Variants in TNKS observed in about 807,000 individuals in gnomAD.
The protein encoded by TNKS is poly [ADP-ribose] polymerase tankyrase-1.
A neutral mutation model predicts 135.8 loss-of-function variants in TNKS; 72 were observed. The ratio of observed to expected loss-of-function variants is 0.53; its 90% CI spans 0.44 to 0.64. TNKS has a LOEUF of 0.64. Ranked by LOEUF, TNKS falls within the 30% of genes least tolerant of loss-of-function variation. The pLI, the probability that TNKS is intolerant of heterozygous loss-of-function variation, is 0.00. For missense variants in TNKS, 1,769 were observed against 1,674.0 expected, an observed-to-expected ratio of 1.06 and a Z score of -0.99; for synonymous variants, 849 against 649.3, an observed-to-expected ratio of 1.31 and a Z score of -4.68.
intron 17 of TNKS, among the ~76,000 whole-genome samples, chr8:9,745,643 G>T (rs940378232): frequency 6.6e-6 from 1 of 152,112 alleles, no homozygotes; most frequent in Non-Finnish European, 1.5e-5. Context: ...GACCTCAAAT[G>T]ATCTGCTGGC....
At chr8:9,771,848 G>A (rs1445230039) in intron 26 of TNKS, among the ~76,000 whole-genome samples, 1 of 75,938 alleles carries the variant, frequency 1.3e-5, no homozygotes. Flanking sequence ...AGAGGGGAGG[G>A]AGGGAGAGAG....
chr8:9,578,028 T>C (rs1798021648), intron 1 of TNKS, among the ~76,000 whole-genome samples: 2 of 152,154 alleles, frequency 1.3e-5, no homozygotes, highest in African/African-American at 4.8e-5. Flanking sequence ...TGTTCAATCT[T>C]AAAGTTCCAA....
chr8:9,601,397 A>T (rs1021987251), intron 2 of TNKS, among the ~76,000 whole-genome samples: 1 of 152,162 alleles, frequency 6.6e-6, no homozygotes, highest in Non-Finnish European at 1.5e-5. Context: ...CTGAGAACCA[A>T]TGCCTCTTTC....
chr8:9,565,277 A>G (rs1190119466), intron 1 of TNKS, among the ~76,000 whole-genome samples: 2 of 151,852 alleles, frequency 1.3e-5, no homozygotes, highest in South Asian at 2.1e-4. Context: ...CAAGTTATTT[A>G]TTTATTTATT....
At chr8:9,776,360 G>A (rs556769978) in intron 26 of TNKS, among the ~76,000 whole-genome samples, 7 of 152,276 alleles carry the variant, frequency 4.6e-5, no homozygotes, top group South Asian at 2.1e-4. Context: ...GTGCTACCTC[G>A]GGCCTTAGTT....
At chr8:9,733,073 C>G (rs1252161639) in intron 14 of TNKS, among the ~76,000 whole-genome samples, 1 of 152,078 alleles carries the variant, frequency 6.6e-6, no homozygotes, top group Non-Finnish European at 1.5e-5. Context: ...AGGAAAAAAT[C>G]TTTACATTGA....
intron 3 of TNKS, among the ~76,000 whole-genome samples, chr8:9,625,813 A>G (rs184002487): frequency 8.1e-4 from 124 of 152,294 alleles, no homozygotes; most frequent in African/African-American, 2.8e-3. Context: ...GACAAAGTTC[A>G]TGGCTCAGGA....
At chr8:9,725,979 C>A (rs574712024) in intron 12 of TNKS, among the ~76,000 whole-genome samples, 1 of 152,152 alleles carries the variant, frequency 6.6e-6, no homozygotes, top group Non-Finnish European at 1.5e-5. Flanking sequence ...GTTGCATTTT[C>A]CTAAAGCCAT....
chr8:9,663,702 G>T (rs781503966), intron 3 of TNKS, among the ~76,000 whole-genome samples: 2 of 152,200 alleles, frequency 1.3e-5, no homozygotes, highest in Admixed American at 6.5e-5. Flanking sequence ...TTATTTGCTA[G>T]TGGTGCCCAC....
chr8:9,570,762 C>T (rs1438333322), intron 1 of TNKS, among the ~76,000 whole-genome samples: 2 of 152,120 alleles, frequency 1.3e-5, no homozygotes, highest in East Asian at 1.9e-4. Context: ...GGTGCATCTG[C>T]CATACAGGGT....
intron 2 of TNKS, among the ~76,000 whole-genome samples, chr8:9,581,243 C>A (rs547096323): frequency 6.6e-6 from 1 of 152,336 alleles, no homozygotes; most frequent in South Asian, 2.1e-4. Flanking sequence ...TTATAGCCAT[C>A]TATTGCAGCT....
At chr8:9,731,906 G>GC (rs34171806) in intron 14 of TNKS, among the ~76,000 whole-genome samples, 16,951 of 152,120 alleles carry the variant, frequency 0.11, 1,335 homozygotes, top group Admixed American at 0.24. Context: ...TCCTGCCTCA[G>GC]CCTCCCGAAT....
intron 3 of TNKS, among the ~76,000 whole-genome samples, chr8:9,670,514 C>G (rs977339599): frequency 1.3e-5 from 2 of 152,016 alleles, no homozygotes; most frequent in Non-Finnish European, 2.9e-5. Flanking sequence ...TTTTAAATAC[C>G]TAGTAAAATA....
intron 5 of TNKS, among the ~76,000 whole-genome samples, chr8:9,692,842 T>C (rs1585335392): frequency 6.6e-6 from 1 of 152,242 alleles, no homozygotes; most frequent in Non-Finnish European, 1.5e-5. Flanking sequence ...ATTATGGTAC[T>C]ACTTAAAAAT....
At chr8:9,763,925 C>A (rs778920327) in intron 22 of TNKS, among the ~76,000 whole-genome samples, 1 of 152,250 alleles carries the variant, frequency 6.6e-6, no homozygotes. Flanking sequence ...ATTTTATTTT[C>A]ATTCCCAGGC....
intron 3 of TNKS, among the ~76,000 whole-genome samples, chr8:9,634,676 T>C (rs959163412): frequency 6.6e-6 from 1 of 152,186 alleles, no homozygotes; most frequent in African/African-American, 2.4e-5. Flanking sequence ...TCAGAATCAC[T>C]GCGGGAAACA....
intron 1 of TNKS, among the ~76,000 whole-genome samples, chr8:9,567,822 A>G (rs563019695): frequency 1.3e-5 from 2 of 152,328 alleles, no homozygotes; most frequent in East Asian, 3.9e-4. Flanking sequence ...AATTTTTTGA[A>G]CAGTAACTGA....
chr8:9,689,622 T>C (rs1585330961), intron 5 of TNKS, among the ~76,000 whole-genome samples: 1 of 152,224 alleles, frequency 6.6e-6, no homozygotes, highest in East Asian at 1.9e-4. Context: ...GAGAAGGCTG[T>C]GGGCAGGGAA....
intron 12 of TNKS, among the ~76,000 whole-genome samples, chr8:9,722,214 G>T (rs1804920645): frequency 6.6e-6 from 1 of 152,004 alleles, no homozygotes; most frequent in African/African-American, 2.4e-5. Context: ...TTTCTAAAGG[G>T]ACCCCAAGAA....
Sources: gnomAD v4.1 joint callset for allele counts (sites outside exome capture counted in the v4.1 genomes callset) on GRCh38, gnomAD v4.1.1 for gene constraint, MANE v1.5 for transcripts, NCBI Gene and HGNC (gene_info 2026-07-23, HGNC 2026-07-21) for gene names.